Variants in MCF2L observed in about 807,000 individuals in gnomAD.
The protein encoded by MCF2L is guanine nucleotide exchange factor DBS.
MCF2L carries 97 observed loss-of-function variants against 153.4 expected under a neutral mutation model. That is an observed-to-expected ratio of 0.63 (90% CI 0.54 to 0.75). The LOEUF (loss-of-function observed/expected upper bound fraction) is 0.75. MCF2L is among the 30% of genes least tolerant of loss of function. The pLI, the probability that MCF2L is intolerant of heterozygous loss-of-function variation, is 0.00. For missense variants in MCF2L, 1,347 were observed against 1,495.2 expected, an observed-to-expected ratio of 0.90 and a Z score of 1.64; for synonymous variants, 659 against 632.2, an observed-to-expected ratio of 1.04 and a Z score of -0.64.
At chr13:113,081,931 C>A (rs933626823) in intron 16 of MCF2L, among the ~76,000 whole-genome samples, 2 of 149,478 alleles carry the variant, frequency 1.3e-5, no homozygotes, top group African/African-American at 5.0e-5. Flanking sequence ...TGAGTGTGCA[C>A]ATGTGGTCAC....
At chr13:113,036,657 G>T (rs2086173641) in intron 3 of MCF2L, among the ~76,000 whole-genome samples, 1 of 152,220 alleles carries the variant, frequency 6.6e-6, no homozygotes, top group Non-Finnish European at 1.5e-5. Context: ...TGTGTCGCAG[G>T]CGACCCTGTC....
chr13:113,047,493 C>T (rs569892874), intron 4 of MCF2L, among the ~76,000 whole-genome samples: 3 of 152,344 alleles, frequency 2.0e-5, no homozygotes, highest in East Asian at 3.9e-4. Context: ...CCGTCCTGGG[C>T]GGGTCCCACA....
At position 113,035,414 on chromosome 13, in the gene MCF2L, C is replaced by T. The variant is rs562067299; in HGVS notation, c.279-9857C>T. ...CCTGCAGCCACAGAGACTTCCTTGG[C>T]GGGAAACCAGGTCCTCTGACCTCAC... is the stretch of plus-strand genomic sequence containing the variant. On this transcript the variant is annotated intron_variant, in intron 3 of 29. Transcript: ENST00000535094. The surrounding 1 kb of genome is among the most constrained non-coding windows in gnomAD (Gnocchi z 4.4). 2.6e-5 allele frequency among the ~76,000 whole-genome samples: 4 copies of T among 152,290 alleles called. No individual in the cohort carries two copies. The highest frequency in any genetic ancestry group is 2.1e-4 in the South Asian group (1 of 4,820).
rs34096255 is a variant in MCF2L, at chr13:112,943,389, C to T, written c.169+41018C>T. Among the ~76,000 whole-genome samples the T allele has an allele frequency of 0.65, 98,484 of 151,784 alleles. 32,206 individuals are homozygous for T. Among genetic ancestry groups the T allele is most frequent in the South Asian group, 0.71 (3,432 of 4,820 alleles). On this transcript the variant is annotated intron_variant, in intron 2 of 29. Transcript: ENST00000375608. The surrounding 1 kb of genome is among the most constrained non-coding windows in gnomAD (Gnocchi z 4.2). ...AGGGCGGCGGCTCCCAGCTCCCGGT[C>T]CCCGGCTCCGCGCCGCAGGCGTGAA...
chr13:113,066,448 G>A (rs371931113), intron 8 of MCF2L, among the ~76,000 whole-genome samples: 48 of 152,328 alleles, frequency 3.2e-4, no homozygotes, highest in African/African-American at 1.0e-3. Flanking sequence ...TGAAGGAGGC[G>A]TTAGGGGAAG....
chr13:113,024,687 C>CT lies in MCF2L; in HGVS notation c.208dup (p.Tyr70LeufsTer86). 6.2e-7 allele frequency: 1 copy of CT among 1,614,200 alleles called. No homozygotes were observed. Among genetic ancestry groups the CT allele is most frequent in the Non-Finnish European group, 8.5e-7 (1 of 1,180,036 alleles). On this transcript the variant is annotated frameshift_variant, in exon 3 of 30. Transcript: ENST00000535094. LOFTEE classifies it high-confidence loss of function. ...GAAGCCCGGTTATCACCTTCCCTGA[C>CT]TACCCGGCCTTCAGCGAGATTCCGG...
intron 2 of MCF2L, among the ~76,000 whole-genome samples, chr13:112,962,827 A>T (rs1431372990): frequency 6.6e-6 from 1 of 152,162 alleles, no homozygotes; most frequent in Non-Finnish European, 1.5e-5. Flanking sequence ...GGAGCCCCCC[A>T]GGCAGCCGAT....
chr13:112,971,110 G>A (rs2082024572), intron 1 of MCF2L, among the ~76,000 whole-genome samples: 1 of 152,212 alleles, frequency 6.6e-6, no homozygotes, highest in Admixed American at 6.5e-5. Context: ...GTGAGGTACT[G>A]CTCAGCGGAG....
At chr13:113,088,882 GC>G (rs2034904450) in intron 25 of MCF2L, among the ~76,000 whole-genome samples, 1 of 152,206 alleles carries the variant, frequency 6.6e-6, no homozygotes. Flanking sequence ...TGCGCACATG[GC>G]CTGTCCAGAT....
intron 2 of MCF2L, among the ~76,000 whole-genome samples, chr13:112,924,537 C>T (rs2081384396): frequency 1.3e-5 from 2 of 152,146 alleles, no homozygotes; most frequent in Admixed American, 6.5e-5. Context: ...TTAGCATTCT[C>T]GTTTAATAAA....
At chr13:113,051,359 G>A (rs1247384736) in intron 4 of MCF2L, among the ~76,000 whole-genome samples, 1 of 152,194 alleles carries the variant, frequency 6.6e-6, no homozygotes, top group Non-Finnish European at 1.5e-5. Flanking sequence ...GGCCACGGCG[G>A]TGGGCGGTGC....
chr13:113,096,144 G>C (rs961771774), intron 27 of MCF2L: 1 of 591,244 alleles, frequency 1.7e-6, no homozygotes, highest in African/African-American at 1.9e-5. Context: ...AGGGGCTGGG[G>C]CAGCTGGGCC....
chr13:112,988,662 T>C (rs1353097792), intron 1 of MCF2L, among the ~76,000 whole-genome samples: 657 of 53,874 alleles, frequency 0.012, no homozygotes, highest in Middle Eastern at 0.071. Context: ...GGAGCTACCA[T>C]GCCCGAGTCC....
intron 2 of MCF2L, among the ~76,000 whole-genome samples, chr13:112,919,879 AC>A (rs967966180): frequency 6.6e-6 from 1 of 152,122 alleles, no homozygotes; most frequent in Non-Finnish European, 1.5e-5. Flanking sequence ...GCTTTGAAGG[AC>A]CCCAAAACCA....
chr13:113,077,239 T>C (rs769342519), intron 13 of MCF2L, 28 bp downstream of exon 13: 1 of 1,512,766 alleles, frequency 6.6e-7, no homozygotes, highest in Non-Finnish European at 8.9e-7. Flanking sequence ...GTGCCCCGGG[T>C]GCTGTGGGAC....
Position 113,058,871 on chromosome 13 carries a change from G to A in MCF2L, c.370-1722G>A, listed in dbSNP as rs1402050119. ...CTGAGTGTTTGGGTGATGTGTGGGCGCTGTGTATTTGGGCGCTGAGTGGGC... is the reference window on the plus strand; with the variant it reads ...CTGAGTGTTTGGGTGATGTGTGGGCACTGTGTATTTGGGCGCTGAGTGGGC... On this transcript the variant is annotated intron_variant, in intron 4 of 29. Transcript: ENST00000535094. 3.0e-4 allele frequency among the ~76,000 whole-genome samples: 44 copies of A among 147,582 alleles called. No individual in the cohort carries two copies. In the South Asian group the frequency reaches 5.9e-3, roughly 20 times the overall value.
Position 113,034,637 on chromosome 13 carries a change from C to CCGCGCCCTCGCCCTCGCCCTGGTCT in MCF2L, c.278+9880_278+9881insGCGCCCTCGCCCTCGCCCTGGTCTC, listed in dbSNP as rs1566775849. Among the ~76,000 whole-genome samples the CCGCGCCCTCGCCCTCGCCCTGGTCT allele has an allele frequency of 2.2e-3, 327 of 151,832 alleles. 2 individuals carry two copies. Among genetic ancestry groups the CCGCGCCCTCGCCCTCGCCCTGGTCT allele is most frequent in the African/African-American group, 7.6e-3 (314 of 41,374 alleles). The stretch of plus-strand genomic sequence containing the variant: ...GGTCTCACCCTCGCCCTGGTCTCAC[C>CCGCGCCCTCGCCCTCGCCCTGGTCT]CACGCCCTCGCCCTTGCCCTGGTCT... On this transcript the variant is annotated intron_variant, in intron 3 of 29. Coordinates refer to ENST00000535094, the MANE Select transcript of MCF2L (RefSeq NM_001112732.3).
chr13:112,988,850 C>G (rs34495078), intron 1 of MCF2L, among the ~76,000 whole-genome samples: 14 of 25,302 alleles, frequency 5.5e-4, no homozygotes, highest in East Asian at 1.3e-3. Context: ...CTACCACGCC[C>G]AAGTCCTCCC....
At chr13:112,978,618 C>T (rs1043454324) in intron 1 of MCF2L, among the ~76,000 whole-genome samples, 31 of 152,184 alleles carry the variant, frequency 2.0e-4, no homozygotes, top group Non-Finnish European at 1.3e-4. Context: ...GTTCTGGGAG[C>T]GCCTGTGCAG....
Sources: allele counts gnomAD v4.1 joint callset (sites outside exome capture counted in the v4.1 genomes callset), GRCh38; gene constraint gnomAD v4.1.1; non-coding constraint Gnocchi (gnomAD v3.1); transcripts MANE v1.5; gene names NCBI Gene and HGNC (gene_info 2026-07-23, HGNC 2026-07-21).